The following SKP1 variants were observed in gnomAD, a reference collection of about 807,000 sequenced individuals.
SKP1 encodes the protein S-phase kinase-associated protein 1.
In SKP1, 1 loss-of-function variant was observed where a neutral mutation model predicts 21.5. The ratio of observed to expected loss-of-function variants is 0.05; its 90% CI spans 0.02 to 0.22. The LOEUF is 0.22. Among genes scored for constraint, SKP1 ranks in the 10% least tolerant of loss-of-function variants. The pLI is 1.00. For synonymous variants in SKP1, 59 were observed against 59.3 expected (o/e 0.99, Z 0.03); for missense variants, 70 against 192.0 (o/e 0.36, Z 3.76).
chr5:134,174,104 C>G, intron 1 of SKP1, 82 bp from the exon 2 acceptor site: 1 of 852,350 alleles, frequency 1.2e-6, no homozygotes. Context: ...CATCAGAAGG[C>G]TCTAACTTAT....
At chr5:134,159,046 ATTC>A (rs1302689076) in intron 4 of SKP1, among the ~76,000 whole-genome samples, 1 of 152,122 alleles carries the variant, frequency 6.6e-6, no homozygotes, top group Admixed American at 6.5e-5. Flanking sequence ...TAATATTCTC[ATTC>A]TTCTGTTTAC....
Position 134,155,618 on chromosome 5 carries a change from G to A in SKP1, c.*2115C>T, listed in dbSNP as rs1360567448. The A allele has an allele frequency of 6.6e-6, 1 of 152,120 alleles. No individual in the cohort carries two copies. Among genetic ancestry groups the A allele is most frequent in the Non-Finnish European group, 1.5e-5 (1 of 68,032 alleles). The allele number at this position is 152,120 out of a possible 1,614,324, so 9.4% of individuals were successfully genotyped here. A position where few individuals can be genotyped will look rare whatever the true frequency, so the allele number is the denominator to read the frequency against. On this transcript the variant is annotated 3_prime_UTR_variant, in exon 6 of 6. Coordinates refer to ENST00000353411, the MANE Select transcript of SKP1 (RefSeq NM_170679.3). ...AAGATCTCATTATCCTTTAAATACG[G>A]ATAGTGACGTTATTTACTCATATAA...
intron 5 of SKP1, 40 bp from the exon 6 acceptor site, chr5:134,157,808 A>C (rs780495092): frequency 2.5e-6 from 4 of 1,612,600 alleles, no homozygotes; most frequent in Non-Finnish European, 3.4e-6. Flanking sequence ...TAACTTGAGT[A>C]GTCTTTCCTA....
At chr5:134,158,035 C>T in intron 5 of SKP1, 1 of 1,475,002 alleles carries the variant, frequency 6.8e-7, no homozygotes, top group Non-Finnish European at 9.0e-7. Flanking sequence ...AATTCATTCA[C>T]ATTATTTCAG....
intron 3 of SKP1, chr5:134,161,815 T>C (rs1401706820): frequency 6.6e-6 from 1 of 152,254 alleles, no homozygotes; most frequent in Non-Finnish European, 1.5e-5. Flanking sequence ...ATTTCCTTAA[T>C]AGGAGAATAA....
At position 134,166,388 on chromosome 5, in the gene SKP1, C is replaced by A. The variant is rs182598422; in HGVS notation, c.171+782G>T. Among the ~76,000 whole-genome samples the A allele has an allele frequency of 2.9e-3, 438 of 151,630 alleles. 2 individuals carry two copies. Among genetic ancestry groups the A allele is most frequent in the African/African-American group, 0.01 (420 of 41,348 alleles). ...ATGAGGTCAAGAGATCAAAACCATC[C>A]TGGCCAACATGGTGAAACCCTGTCT... On this transcript the variant is annotated intron_variant, in intron 3 of 5. Transcript: ENST00000353411.
intron 4 of SKP1, among the ~76,000 whole-genome samples, chr5:134,159,955 T>A (rs998503314): frequency 1.3e-5 from 2 of 151,620 alleles, no homozygotes; most frequent in African/African-American, 4.8e-5. Flanking sequence ...AGTGTTGGGA[T>A]CACAGGCGTG....
At chr5:134,173,752 T>C in intron 2 of SKP1, 174 bp downstream of exon 2, 1 of 690,658 alleles carries the variant, frequency 1.4e-6, no homozygotes, top group Non-Finnish European at 2.7e-6. Flanking sequence ...ATTCAGACAA[T>C]GCAGAAAGGA....
In SKP1 at chr5:134,154,441, C is replaced by CT. The variant is rs1400705301; in HGVS notation, c.*3291dup. 4.1e-5 allele frequency: 4 copies of CT among 97,290 alleles called. No homozygotes were observed. The highest frequency in any genetic ancestry group is 1.6e-4 in the Admixed American group (1 of 6,320). The allele number at this position is 97,290 out of a possible 1,614,324, so 6.0% of individuals were successfully genotyped here. A position where few individuals can be genotyped will look rare whatever the true frequency, so the allele number is the denominator to read the frequency against. The stretch of plus-strand genomic sequence containing the variant: ...CCAGTCTGGGCGACAGAGTGAGACT[C>CT]TGTCTCAAAAAAAAAAAAAAAAAAA... On this transcript the variant is annotated 3_prime_UTR_variant, in exon 6 of 6. Coordinates refer to ENST00000353411, the MANE Select transcript of SKP1 (RefSeq NM_170679.3).
At chr5:134,175,056 T>C (rs1456997957) in intron 1 of SKP1, 1 of 152,228 alleles carries the variant, frequency 6.6e-6, no homozygotes, top group Non-Finnish European at 1.5e-5. Flanking sequence ...GTTTTCTAGG[T>C]GTGTTGTATT....
In SKP1 at chr5:134,154,580, TAATC is replaced by T. The variant is rs545206279; in HGVS notation, c.*3149_*3152del. On this transcript the variant is annotated 3_prime_UTR_variant, in exon 6 of 6. Transcript: ENST00000353411. Reference sequence around the variant, plus strand: ...GTTTACTTTTAGATCACAAGTGACATAATCAATGAAAAGGTGAGAAGCCAAAGGA... The same window carrying T: ...GTTTACTTTTAGATCACAAGTGACATAATGAAAAGGTGAGAAGCCAAAGGA... 1 of 151,234 alleles carries T rather than the reference TAATC, an allele frequency of 6.6e-6. No individual in the cohort carries two copies. Among genetic ancestry groups the T allele is most frequent in the African/African-American group, 2.4e-5 (1 of 41,086 alleles). The allele number at this position is 151,234 out of a possible 1,614,324, so 9.4% of individuals were successfully genotyped here.
chr5:134,164,355 T>C lies in SKP1; in HGVS notation c.171+2815A>G, dbSNP rs199741384. Among the ~76,000 whole-genome samples, 6 of 146,640 alleles carry C rather than the reference T, an allele frequency of 4.1e-5. No individual in the cohort carries two copies. The East Asian group carries it at 1.2e-3, about 29-fold the overall frequency. ...AAAAAAAAAAAAAAAAAAAAAAGAT[T>C]ATCTTCTCAGTAAGACATCTCCTGA... On this transcript the variant is annotated intron_variant, in intron 3 of 5. Transcript: ENST00000353411.
At position 134,157,675 on chromosome 5, in the gene SKP1, G is replaced by A. The variant is rs1438659652; in HGVS notation, c.*58C>T. On this transcript the variant is annotated 3_prime_UTR_variant, in exon 6 of 6. Coordinates refer to ENST00000353411, the MANE Select transcript of SKP1 (RefSeq NM_170679.3). ...TCTAATATTAACAATTATAAACAGA[G>A]CAGTGCAACTAGTATTTGGAACAAT... 3.8e-6 allele frequency: 5 copies of A among 1,300,072 alleles called. No individual in the cohort carries two copies. The highest frequency in any genetic ancestry group is 1.7e-5 in the Admixed American group (1 of 59,620). The allele number at this position is 1,300,072 out of a possible 1,614,324, so 80.5% of individuals were successfully genotyped here.
chr5:134,161,624 T>C (rs1761222290), intron 3 of SKP1: 1 of 152,318 alleles, frequency 6.6e-6, no homozygotes, highest in Admixed American at 6.5e-5. Context: ...TGTTGGGCAA[T>C]AGTGGAAAGG....
intron 3 of SKP1, chr5:134,161,382 A>C (rs1761215642): frequency 3.1e-6 from 1 of 327,622 alleles, no homozygotes; most frequent in Non-Finnish European, 5.5e-6. Flanking sequence ...GCTTCTATGC[A>C]AAAAGAAAAG....
At position 134,155,935 on chromosome 5, in the gene SKP1, T is replaced by C. The variant is rs1761113106; in HGVS notation, c.*1798A>G. ...TCAGCCTCTCAAGTAGTTGGGATTATAGGCATGCACCATATGACTGCTAAT... is the reference window on the plus strand; with the variant it reads ...TCAGCCTCTCAAGTAGTTGGGATTACAGGCATGCACCATATGACTGCTAAT... On this transcript the variant is annotated 3_prime_UTR_variant, in exon 6 of 6. Transcript: ENST00000353411. The C allele has an allele frequency of 6.6e-6, 1 of 152,022 alleles. No individual in the cohort carries two copies. The highest frequency in any genetic ancestry group is 1.5e-5 in the Non-Finnish European group (1 of 68,050). The allele number at this position is 152,022 out of a possible 1,614,324, so 9.4% of individuals were successfully genotyped here. A position where few individuals can be genotyped will look rare whatever the true frequency, so the allele number is the denominator to read the frequency against.
chr5:134,171,345 TTTC>T (rs1322937953), intron 2 of SKP1, among the ~76,000 whole-genome samples: 3 of 152,178 alleles, frequency 2.0e-5, no homozygotes, highest in Non-Finnish European at 4.4e-5. Context: ...AATGTCCCCT[TTTC>T]CCTTGGCTTC....
At chr5:134,167,759 C>T (rs1270352733) in intron 2 of SKP1, among the ~76,000 whole-genome samples, 2 of 152,176 alleles carry the variant, frequency 1.3e-5, no homozygotes, top group Non-Finnish European at 2.9e-5. Context: ...CTCCTGACCT[C>T]GTGATCTACC....
In SKP1 at chr5:134,149,651, T is replaced by G. The variant is rs1464404780; in HGVS notation, c.*8082A>C. 6.6e-6 allele frequency: 1 copy of G among 152,258 alleles called. No homozygotes were observed. Among genetic ancestry groups the G allele is most frequent in the Non-Finnish European group, 1.5e-5 (1 of 68,050 alleles). The allele number at this position is 152,258 out of a possible 1,614,324, so 9.4% of individuals were successfully genotyped here. On this transcript the variant is annotated 3_prime_UTR_variant, in exon 6 of 6. Transcript: ENST00000353411. Reference sequence around the variant, plus strand: ...GAGGACACTAGCCATTCTCTGGACATCTGTCCCATTTTAAAGAATTCTGTT... The same window carrying G: ...GAGGACACTAGCCATTCTCTGGACAGCTGTCCCATTTTAAAGAATTCTGTT...
Sources: allele counts gnomAD v4.1 joint callset (sites outside exome capture counted in the v4.1 genomes callset), GRCh38; gene constraint gnomAD v4.1.1; transcripts MANE v1.5; gene names NCBI Gene and HGNC (gene_info 2026-07-23, HGNC 2026-07-21).